The following UNC13C variants were observed in gnomAD, a reference collection of about 807,000 sequenced individuals.
UNC13C encodes protein unc-13 homolog C.
A neutral mutation model predicts 245.4 loss-of-function variants in UNC13C; 174 were observed. The ratio of observed to expected loss-of-function variants is 0.71; its 90% CI spans 0.63 to 0.80. The LOEUF (loss-of-function observed/expected upper bound fraction) is 0.80. UNC13C is among the 30% of genes least tolerant of loss of function. The pLI is 0.00. For missense variants in UNC13C, 2,829 were observed against 2,602.9 expected, an observed-to-expected ratio of 1.09 and a Z score of -1.89; for synonymous variants, 992 against 895.1, an observed-to-expected ratio of 1.11 and a Z score of -1.93.
chr15:53,913,608 G>A, the UNC13C span: 3 of 152,288 alleles, frequency 2.0e-5, no homozygotes, highest in South Asian at 2.1e-4. Flanking sequence ...TGACCCCATC[G>A]ACTGGGACAG....
intron 4 of UNC13C, among the ~76,000 whole-genome samples, chr15:54,150,389 G>C (rs2032463004): frequency 6.6e-6 from 1 of 152,216 alleles, no homozygotes; most frequent in Non-Finnish European, 1.5e-5. Context: ...CCTAATCACA[G>C]ACTCTTGATT....
chr15:54,507,376 G>A lies in UNC13C; in HGVS notation c.5379+182G>A, dbSNP rs545186518. On this transcript the variant is annotated intron_variant, in intron 23 of 32. Coordinates refer to ENST00000260323, the MANE Select transcript of UNC13C (RefSeq NM_001080534.3). ...ACTGGTTTTAATACAGGATTTACAG[G>A]AAGGTAGAGAGTGTCTCAATGCCAG... Among the ~76,000 whole-genome samples the A allele has an allele frequency of 2.0e-5, 3 of 152,202 alleles. 1 individual carries two copies. In the South Asian group the frequency reaches 6.2e-4, roughly 32 times the overall value.
the UNC13C span, among the ~76,000 whole-genome samples, chr15:53,848,396 G>T: frequency 6.6e-6 from 1 of 152,032 alleles, no homozygotes; most frequent in Non-Finnish European, 1.5e-5. Flanking sequence ...TGAGATGTGT[G>T]TTATTTAATT....
chr15:54,181,780 A>T (rs567207870), intron 4 of UNC13C, among the ~76,000 whole-genome samples: 18 of 151,738 alleles, frequency 1.2e-4, no homozygotes, highest in East Asian at 7.7e-4. Flanking sequence ...GTTTAAAAAA[A>T]TTTTTTTATG....
At chr15:54,172,964 G>A (rs12591404) in intron 4 of UNC13C, among the ~76,000 whole-genome samples, 21,490 of 150,938 alleles carry the variant, frequency 0.14, 2,964 homozygotes, top group African/African-American at 0.35. Context: ...ACATACAGCT[G>A]TTCCAGAATC....
chr15:54,228,343 C>T (rs923842300), intron 4 of UNC13C, among the ~76,000 whole-genome samples: 1 of 152,036 alleles, frequency 6.6e-6, no homozygotes, highest in African/African-American at 2.4e-5. Flanking sequence ...GGTGCTGTAC[C>T]CCACTGTGGC....
the UNC13C span, among the ~76,000 whole-genome samples, chr15:53,852,243 G>A: frequency 6.6e-6 from 1 of 152,196 alleles, no homozygotes; most frequent in Admixed American, 6.5e-5. Context: ...CACACATTTG[G>A]TCACAGTGTC....
Position 54,451,328 on chromosome 15 carries a change from T to C in UNC13C, c.4933+36261T>C, listed in dbSNP as rs571946927. On this transcript the variant is annotated intron_variant, in intron 19 of 32. Transcript: ENST00000260323. ...TTCAGCCTTTTGAATATAACATCTA[T>C]GTAAGGGATGTAAGCTTTACCTAAT... 1.8e-4 allele frequency among the ~76,000 whole-genome samples: 27 copies of C among 152,278 alleles called. 1 individual carries two copies. The South Asian group carries it at 4.8e-3, about 27-fold the overall frequency.
chr15:54,561,822 T>C (rs1486302643), intron 29 of UNC13C, among the ~76,000 whole-genome samples: 1 of 152,002 alleles, frequency 6.6e-6, no homozygotes, highest in East Asian at 1.9e-4. Context: ...GTTCCAGTTA[T>C]TTAGTTCATA....
chr15:54,219,340 C>A (rs1050630778), intron 4 of UNC13C, among the ~76,000 whole-genome samples: 50 of 151,994 alleles, frequency 3.3e-4, no homozygotes, highest in Middle Eastern at 3.4e-3. Context: ...CAAAAACAAG[C>A]AATGGGGAAA....
At chr15:54,606,541 C>G (rs1899776316) in intron 30 of UNC13C, among the ~76,000 whole-genome samples, 1 of 152,062 alleles carries the variant, frequency 6.6e-6, no homozygotes, top group Non-Finnish European at 1.5e-5. Flanking sequence ...TTACACAAAC[C>G]CAGAGTTTCA....
the UNC13C span, among the ~76,000 whole-genome samples, chr15:53,844,848 A>T: frequency 7.2e-5 from 11 of 152,134 alleles, no homozygotes; most frequent in Non-Finnish European, 1.5e-4. Context: ...CACTACCTTG[A>T]GCTGTGAGAA....
the UNC13C span, among the ~76,000 whole-genome samples, chr15:53,938,850 C>T: frequency 6.6e-6 from 1 of 152,088 alleles, no homozygotes; most frequent in Non-Finnish European, 1.5e-5. Flanking sequence ...ACAACTAAAG[C>T]ACTGTTAAGA....
Position 54,165,380 on chromosome 15 carries a change from T to C in UNC13C, c.3071+21696T>C, listed in dbSNP as rs183531136. ...ATAAGCGCTATGTGTCAGGTACTAGTATTTTTTATCCCATTATTTCATTGA... is the reference window on the plus strand; with the variant it reads ...ATAAGCGCTATGTGTCAGGTACTAGCATTTTTTATCCCATTATTTCATTGA... On this transcript the variant is annotated intron_variant, in intron 4 of 32. Coordinates refer to ENST00000260323, the MANE Select transcript of UNC13C (RefSeq NM_001080534.3). Among the ~76,000 whole-genome samples, 7 of 152,300 alleles carry C rather than the reference T, an allele frequency of 4.6e-5. No individual in the cohort carries two copies. The East Asian group carries it at 1.3e-3, about 29-fold the overall frequency.
At chr15:53,954,165 C>G in the UNC13C span, among the ~76,000 whole-genome samples, 1 of 152,210 alleles carries the variant, frequency 6.6e-6, no homozygotes, top group Admixed American at 6.5e-5. Context: ...TACAGAATCT[C>G]ATTTAACACA....
intron 17 of UNC13C, among the ~76,000 whole-genome samples, chr15:54,351,899 A>G (rs1511798): frequency 0.47 from 71,627 of 151,756 alleles, 17,284 homozygotes; most frequent in East Asian, 0.74. Context: ...AAATAATGCA[A>G]TATCTTTTGT....
the UNC13C span, among the ~76,000 whole-genome samples, chr15:53,935,402 T>A: frequency 2.0e-5 from 3 of 152,182 alleles, no homozygotes; most frequent in Non-Finnish European, 4.4e-5. Context: ...TGGTTCTAGA[T>A]CCATGAAAAA....
chr15:54,312,743 A>G (rs2037907938), intron 13 of UNC13C, among the ~76,000 whole-genome samples: 1 of 151,762 alleles, frequency 6.6e-6, no homozygotes, highest in African/African-American at 2.4e-5. Flanking sequence ...GGAGGGATTG[A>G]TAGCCTTGCT....
chr15:54,148,230 T>C (rs1183282060), intron 4 of UNC13C, among the ~76,000 whole-genome samples: 1 of 152,190 alleles, frequency 6.6e-6, no homozygotes, highest in African/African-American at 2.4e-5. Context: ...TACCAAAAAA[T>C]ATTAATAAGA....
Sources: gnomAD v4.1 joint callset for allele counts (sites outside exome capture counted in the v4.1 genomes callset) on GRCh38, gnomAD v4.1.1 for gene constraint, MANE v1.5 for transcripts, NCBI Gene and HGNC (gene_info 2026-07-23, HGNC 2026-07-21) for gene names.